GAREM2: variants seen among roughly 807,000 people sequenced by gnomAD.
GAREM2 encodes the protein GRB2 associated regulator of MAPK1 subtype 2, also known as GRB2-associated and regulator of MAPK protein 2.
Under a neutral mutation model 55.6 loss-of-function variants are expected in GAREM2, and 30 were observed. The ratio of observed to expected loss-of-function variants is 0.54; its 90% CI spans 0.40 to 0.73. The LOEUF (loss-of-function observed/expected upper bound fraction) is 0.73, where lower values mean the gene tolerates loss of function less well. Among genes scored for constraint, GAREM2 ranks in the 30% least tolerant of loss-of-function variants. GAREM2 has a pLI of 0.00. For missense variants in GAREM2, 1,075 were observed against 1,257.7 expected (o/e 0.85, Z 2.20); for synonymous variants, 550 against 569.1 (o/e 0.97, Z 0.48).
chr2:26,195,599 CG>C, the GAREM2 span, among the ~76,000 whole-genome samples: 2 of 62,596 alleles, frequency 3.2e-5, no homozygotes, highest in Non-Finnish European at 7.0e-5. Flanking sequence ...TTTTTTTGGG[CG>C]GGGGTGGGGC....
At chr2:26,198,367 ATGTTTTTTTTT>A in the GAREM2 span, among the ~76,000 whole-genome samples, 31 of 89,852 alleles carry the variant, frequency 3.5e-4, no homozygotes, top group African/African-American at 9.2e-4. Flanking sequence ...CAACTTATTC[ATGTTTTTTTTT>A]TGTTTTTTTT....
downstream of GAREM2, chr2:26,191,430 G>T: frequency 6.2e-7 from 1 of 1,614,144 alleles, no homozygotes; most frequent in Non-Finnish European, 8.5e-7. Flanking sequence ...TGAAGGAGAC[G>T]CAACACGGGC....
the GAREM2 span, chr2:26,195,334 G>A: frequency 9.9e-7 from 1 of 1,008,800 alleles, no homozygotes; most frequent in Non-Finnish European, 1.6e-6. Flanking sequence ...AGGTGGCTGT[G>A]ATATAGGAAT....
downstream of GAREM2, chr2:26,192,231 A>G: frequency 1.3e-6 from 1 of 784,596 alleles, no homozygotes; most frequent in Non-Finnish European, 2.2e-6. Flanking sequence ...AAAAAAAAAA[A>G]AAATGGAAGA....
the GAREM2 span, among the ~76,000 whole-genome samples, chr2:26,197,941 T>A: frequency 6.6e-6 from 1 of 152,244 alleles, no homozygotes; most frequent in African/African-American, 2.4e-5. Flanking sequence ...ACCTAGGGGG[T>A]TTTGTGTCGG....
the GAREM2 span, chr2:26,201,209 C>T: frequency 1.9e-6 from 3 of 1,613,822 alleles, no homozygotes; most frequent in African/African-American, 1.3e-5. Flanking sequence ...CAGCTTCAAT[C>T]ACCATGTCGG....
intron 2 of GAREM2, chr2:26,181,886 G>C (rs1669061822): frequency 2.5e-6 from 1 of 401,342 alleles, no homozygotes; most frequent in South Asian, 1.0e-4. Flanking sequence ...GGCTGAGGCA[G>C]GAGGATCCCT....
intron 2 of GAREM2, among the ~76,000 whole-genome samples, chr2:26,178,771 C>T (rs1439264477): frequency 6.6e-6 from 1 of 151,778 alleles, no homozygotes; most frequent in Non-Finnish European, 1.5e-5. Flanking sequence ...ATCTCTCTGG[C>T]GCCCCTGCGT....
Position 26,184,758 on chromosome 2 carries a change from G to C in GAREM2, c.910G>C (p.Ala304Pro). 2 of 1,497,660 alleles carry C rather than the reference G, an allele frequency of 1.3e-6. No homozygotes were observed. Among genetic ancestry groups the C allele is most frequent in the Non-Finnish European group, 1.8e-6 (2 of 1,129,146 alleles). The allele number at this position is 1,497,660 out of a possible 1,614,324, so 92.8% of individuals were successfully genotyped here. The part of the protein sequence containing the change: ...IISKTVVLGL[A>P]LRREGPAPLH... ...CTCCAAGACGGTGGTGCTGGGGCTG[G>C]CGCTGCGCCGCGAGGGCCCGGCGCC... Residue 304 changes from alanine (A) to proline (P), a missense_variant, in exon 4 of 6, where the codon GCG (alanine) becomes CCG (proline). By Grantham distance (27) the Ala-to-Pro change is conservative. This residue lies in a region of GAREM2 where 170 missense variants were observed against 220.7 expected (regional missense o/e 0.77). Coordinates refer to ENST00000401533, the MANE Select transcript of GAREM2 (RefSeq NM_001168241.2).
chr2:26,184,734 T>C lies in GAREM2; in HGVS notation c.886T>C (p.Ser296Pro). Residue 296 changes from serine to proline, a missense_variant, in exon 4 of 6, where the codon TCC becomes CCC. By Grantham distance (74) the Ser-to-Pro change is moderately conservative. Coordinates refer to ENST00000401533, the MANE Select transcript of GAREM2 (RefSeq NM_001168241.2). ...GHCYKLVSII[S>P]KTVVLGLALR... The stretch of plus-strand genomic sequence containing the variant: ...TTGCTACAAGCTGGTTAGCATCATC[T>C]CCAAGACGGTGGTGCTGGGGCTGGC... The C allele has an allele frequency of 1.3e-6, 2 of 1,519,738 alleles. No individual in the cohort carries two copies. Among genetic ancestry groups the C allele is most frequent in the Non-Finnish European group, 8.8e-7 (1 of 1,137,420 alleles). 94.1% of individuals were successfully genotyped at this position (1,519,738 alleles called of 1,614,324 possible).
At chr2:26,191,468 A>G (rs1669500654), downstream of GAREM2, 1 of 1,614,146 alleles carries the variant, frequency 6.2e-7, no homozygotes. Context: ...TTCCTTCCCA[A>G]CCTGCGAGAC....
At chr2:26,198,657 G>T in the GAREM2 span, among the ~76,000 whole-genome samples, 1 of 52,836 alleles carries the variant, frequency 1.9e-5, no homozygotes, top group African/African-American at 1.6e-4. Flanking sequence ...ACTGCCTTAA[G>T]ATTTAAAAAA....
chr2:26,185,255 A>G lies in GAREM2; in HGVS notation c.1407A>G (p.Pro469=). 6.6e-7 allele frequency: 1 copy of G among 1,520,774 alleles called. No individual in the cohort carries two copies. The highest frequency in any genetic ancestry group is 2.6e-5 in the East Asian group (1 of 38,878). The allele number at this position is 1,520,774 out of a possible 1,614,324, so 94.2% of individuals were successfully genotyped here. Residue 469 remains proline (P), a synonymous_variant, in exon 4 of 6, where the codon CCA becomes CCG. Coordinates refer to ENST00000401533, the MANE Select transcript of GAREM2 (RefSeq NM_001168241.2). ...PRREPEAPPP[P]VPPKSEAVKE... is the part of the protein sequence containing the mutation. ...GGGAGCCGGAAGCGCCGCCGCCTCC[A>G]GTCCCTCCCAAATCCGAGGCGGTGA...
chr2:26,187,089 C>G, intron 5 of GAREM2, 142 bp from the exon 6 acceptor site: 1 of 1,238,842 alleles, frequency 8.1e-7, no homozygotes, highest in Non-Finnish European at 1.0e-6. Context: ...ACGGCCATTC[C>G]GGAGGGTCTT....
intron 2 of GAREM2, chr2:26,181,047 T>C: frequency 1.5e-5 from 15 of 985,552 alleles, no homozygotes; most frequent in Non-Finnish European, 1.8e-5. Context: ...GGTCTGTTTC[T>C]GCTATTCCCT....
At chr2:26,191,200 C>A (rs913184132), downstream of GAREM2, 2 of 1,587,744 alleles carry the variant, frequency 1.3e-6, no homozygotes, top group Non-Finnish European at 1.7e-6. Flanking sequence ...AGAACCAGCA[C>A]TGCCGGCAGC....
chr2:26,184,628 C>T lies in GAREM2; in HGVS notation c.780C>T (p.Arg260=), dbSNP rs1669162681. ...ACACGGTGCGCGCCATCATCGAGCG[C>T]GTGAGGCTGCCGGTGAACGTGCTGG... is the stretch of plus-strand genomic sequence containing the variant. ...GEHTVRAIIE[R]VRLPVNVLVP... The change falls in exon 4 of 6, where the codon CGC becomes CGT. Residue 260 remains arginine (R), a synonymous_variant. Coordinates refer to ENST00000401533, the MANE Select transcript of GAREM2 (RefSeq NM_001168241.2). The T allele has an allele frequency of 6.5e-7, 1 of 1,547,556 alleles. No homozygotes were observed. The highest frequency in any genetic ancestry group is 8.7e-7 in the Non-Finnish European group (1 of 1,145,748).
intron 5 of GAREM2, among the ~76,000 whole-genome samples, chr2:26,186,758 T>C (rs1669272105): frequency 6.6e-6 from 1 of 152,142 alleles, no homozygotes; most frequent in African/African-American, 2.4e-5. Context: ...GGTGAATCAC[T>C]TGAGGTCAGG....
chr2:26,191,032 G>A (rs1574599721), downstream of GAREM2: 1 of 629,900 alleles, frequency 1.6e-6, no homozygotes, highest in African/African-American at 1.8e-5. Context: ...AATGAGCAGT[G>A]GGCTCTACCT....
Sources: allele counts gnomAD v4.1 joint callset (sites outside exome capture counted in the v4.1 genomes callset), GRCh38; gene constraint gnomAD v4.1.1; regional missense constraint gnomAD v4.1.1; transcripts MANE v1.5; gene names NCBI Gene and HGNC (gene_info 2026-07-23, HGNC 2026-07-21).